Variants in KDM7A observed in about 807,000 individuals in gnomAD.
The protein encoded by KDM7A is lysine demethylase 7A, also known as lysine-specific demethylase 7A.
Under a neutral mutation model 114.8 loss-of-function variants are expected in KDM7A, and 28 were observed. The ratio of observed to expected loss-of-function variants is 0.24; its 90% confidence interval spans 0.18 to 0.33. KDM7A has a LOEUF of 0.33. KDM7A is among the 10% of genes least tolerant of loss of function. The pLI, the probability that KDM7A is intolerant of heterozygous loss-of-function variation, is 1.00. For synonymous variants in KDM7A, 423 were observed against 397.8 expected (o/e 1.06, Z -0.75); for missense variants, 942 against 1,142.5 (o/e 0.82, Z 2.53).
chr7:140,131,514 C>A (rs930026322), intron 3 of KDM7A, among the ~76,000 whole-genome samples: 2 of 152,178 alleles, frequency 1.3e-5, no homozygotes, highest in African/African-American at 4.8e-5. Flanking sequence ...CCCATCCTCT[C>A]GTAAGGCAAG....
intron 1 of KDM7A, among the ~76,000 whole-genome samples, chr7:140,142,100 A>C (rs1794290212): frequency 7.4e-6 from 1 of 134,336 alleles, no homozygotes; most frequent in Admixed American, 7.4e-5. Flanking sequence ...AAGCAAAATA[A>C]AATTATTTTG....
intron 17 of KDM7A, among the ~76,000 whole-genome samples, chr7:140,096,022 T>C (rs1818103631): frequency 6.6e-6 from 1 of 152,064 alleles, no homozygotes; most frequent in African/African-American, 2.4e-5. Context: ...TTCTCCCCGG[T>C]CCTCCTCAGG....
chr7:140,176,972 C>T lies in KDM7A; in HGVS notation c.-35G>A. On this transcript the variant is annotated 5_prime_UTR_variant, in exon 1 of 20. Coordinates refer to ENST00000397560, the MANE Select transcript of KDM7A (RefSeq NM_030647.2). This position sits in a 1 kb window ranked among gnomAD's most constrained non-coding sequence, Gnocchi z 4.4. ...ACACACACACGCTCGCTCGCTACTC[C>T]GCTCGCCGACTGGAGCGAGCGCAGC... 6.4e-6 allele frequency: 7 copies of T among 1,096,358 alleles called. No individual in the cohort carries two copies. Among genetic ancestry groups the T allele is most frequent in the Middle Eastern group, 4.0e-4 (1 of 2,520 alleles). 67.9% of individuals were successfully genotyped at this position (1,096,358 alleles called of 1,614,324 possible). A position where few individuals can be genotyped will look rare whatever the true frequency, so the allele number is the denominator to read the frequency against.
rs533403960 is a variant in KDM7A at position 140,122,696 on chromosome 7, A to G, written c.1051+1925T>C. Among the ~76,000 whole-genome samples, 8 of 152,214 alleles carry G rather than the reference A, an allele frequency of 5.3e-5. 1 individual carries two copies. The highest frequency in any genetic ancestry group is 1.9e-4 in the African/African-American group (8 of 41,542). ...TACTCTACATTCATTTACATCTCAA[A>G]ATGAGAGGCCTGATACCTATACTTG... On this transcript the variant is annotated intron_variant, in intron 7 of 19. Coordinates refer to ENST00000397560, the MANE Select transcript of KDM7A (RefSeq NM_030647.2).
chr7:140,149,759 AT>A (rs1055061797), intron 1 of KDM7A, among the ~76,000 whole-genome samples: 1 of 152,206 alleles, frequency 6.6e-6, no homozygotes, highest in African/African-American at 2.4e-5. Flanking sequence ...TGATGTGAGA[AT>A]TTGGTAAGAA....
chr7:140,156,552 A>G (rs1206372665), intron 1 of KDM7A, among the ~76,000 whole-genome samples: 1 of 152,216 alleles, frequency 6.6e-6, no homozygotes, highest in African/African-American at 2.4e-5. Context: ...TGAGACACAG[A>G]AAGGGAGGGA....
At chr7:140,135,350 G>GCACA (rs1818851439) in intron 2 of KDM7A, among the ~76,000 whole-genome samples, 1 of 151,896 alleles carries the variant, frequency 6.6e-6, no homozygotes, top group Non-Finnish European at 1.5e-5. Flanking sequence ...CTACAGGGGT[G>GCACA]TGCCACCACA....
At chr7:140,126,525 A>C in intron 6 of KDM7A, 112 bp downstream of exon 6, 1 of 593,990 alleles carries the variant, frequency 1.7e-6, no homozygotes, top group South Asian at 5.7e-5. Context: ...GTAAAAAAAA[A>C]AAAAAAAACT....
Position 140,160,128 on chromosome 7 carries a change from CCT to C in KDM7A, c.194+16614_194+16615del, listed in dbSNP as rs759016185. On this transcript the variant is annotated intron_variant, in intron 1 of 19. Coordinates refer to ENST00000397560, the MANE Select transcript of KDM7A (RefSeq NM_030647.2). Reference sequence around the variant, plus strand: ...CATCACTAACACGATTTAGCAGACACCTCTGTTTAAGGCAAGTAAATTTTTAA... The same window carrying C: ...CATCACTAACACGATTTAGCAGACACCTGTTTAAGGCAAGTAAATTTTTAA... 4.6e-5 allele frequency among the ~76,000 whole-genome samples: 7 copies of C among 152,192 alleles called. 1 individual carries two copies. The highest frequency in any genetic ancestry group is 4.1e-4 in the South Asian group (2 of 4,824).
rs775195433 is a variant in KDM7A, at chr7:140,091,182, C to T, written c.2738G>A (p.Arg913His). 4.3e-6 allele frequency: 7 copies of T among 1,611,038 alleles called. No homozygotes were observed. The Admixed American group carries it at 6.7e-5, about 15-fold the overall frequency. Reference protein sequence around the residue: ...PISNQATKGKRPKKGMATAKQ... With the variant: ...PISNQATKGKHPKKGMATAKQ... ...GGCTGTTGCCATTCCTTTTTTTGGA[C>T]GTTTACCTATAAAACACCAAAAGGG... Residue 913 changes from arginine to histidine, a missense_variant, in exon 20 of 20, where the codon CGT (arginine) becomes CAT (histidine). Physicochemically the swap from Arg to His is conservative, Grantham distance 29 (BLOSUM62 0). Coordinates refer to ENST00000397560, the MANE Select transcript of KDM7A (RefSeq NM_030647.2).
At chr7:140,161,962 A>G (rs1174012008) in intron 1 of KDM7A, among the ~76,000 whole-genome samples, 2 of 152,220 alleles carry the variant, frequency 1.3e-5, no homozygotes, top group Admixed American at 6.5e-5. Context: ...CATTAAAAAT[A>G]CCAAATTATC....
At chr7:140,114,406 G>A (rs1194025891) in intron 9 of KDM7A, among the ~76,000 whole-genome samples, 1 of 152,186 alleles carries the variant, frequency 6.6e-6, no homozygotes, top group African/African-American at 2.4e-5. Flanking sequence ...CTAACCGCGA[G>A]TGATCTGCCA....
chr7:140,143,016 C>A (rs1794301881), intron 1 of KDM7A, among the ~76,000 whole-genome samples: 1 of 151,794 alleles, frequency 6.6e-6, no homozygotes, highest in South Asian at 2.1e-4. Context: ...CCCATCTCTA[C>A]TAAAAATACA....
At chr7:140,164,230 T>C (rs1028348966) in intron 1 of KDM7A, among the ~76,000 whole-genome samples, 1 of 152,184 alleles carries the variant, frequency 6.6e-6, no homozygotes, top group African/African-American at 2.4e-5. Context: ...ATTTTTAGGA[T>C]AAACAACCAC....
Position 140,127,434 on chromosome 7 carries a change from C to G in KDM7A, c.701+8G>C, listed in dbSNP as rs868517092. 1.2e-5 allele frequency: 19 copies of G among 1,610,808 alleles called. No individual in the cohort carries two copies. The Middle Eastern group carries it at 1.5e-3, about 126-fold the overall frequency. ...GAATGCTAAACCAAAATACCCAGAA[C>G]TACTCACTTTGTATCTGAAAATTCA... On this transcript the variant is annotated splice_region_variant and intron_variant, in intron 5 of 19. Coordinates refer to ENST00000397560, the MANE Select transcript of KDM7A (RefSeq NM_030647.2).
At chr7:140,109,048 G>A (rs529195096) in intron 11 of KDM7A, among the ~76,000 whole-genome samples, 4 of 152,284 alleles carry the variant, frequency 2.6e-5, no homozygotes, top group South Asian at 2.1e-4. Flanking sequence ...CCAAGGCTCC[G>A]TGGGTGTGGG....
intron 3 of KDM7A, among the ~76,000 whole-genome samples, chr7:140,130,871 T>TG (rs1818773936): frequency 1.4e-5 from 2 of 147,204 alleles, no homozygotes; most frequent in Admixed American, 6.7e-5. Flanking sequence ...TTTTTTTTTT[T>TG]GAGACAGAGT....
chr7:140,097,091 A>G (rs967168979), intron 15 of KDM7A, 44 bp from the exon 16 acceptor site: 6 of 1,491,648 alleles, frequency 4.0e-6, no homozygotes, highest in Non-Finnish European at 5.5e-6. Context: ...TAAGAAATTG[A>G]CCAAGTCTGT....
rs1264035618 is a variant in KDM7A at position 140,100,675 on chromosome 7, T to TAC, written c.1639-653_1639-652insGT. On this transcript the variant is annotated intron_variant, in intron 12 of 19. Transcript: ENST00000397560. The stretch of plus-strand genomic sequence containing the variant: ...TTTTAAAAAGTTATATATATATATA[T>TAC]ATATACATATATACATATATATATA... Among the ~76,000 whole-genome samples, 83 of 44,242 alleles carry TAC rather than the reference T, an allele frequency of 1.9e-3. 1 individual carries two copies. Among genetic ancestry groups the TAC allele is most frequent in the Non-Finnish European group, 2.7e-3 (61 of 22,986 alleles). 29.0% of individuals were successfully genotyped at this position (44,242 alleles called of 152,430 possible).
Sources: allele counts gnomAD v4.1 joint callset (sites outside exome capture counted in the v4.1 genomes callset), GRCh38; gene constraint gnomAD v4.1.1; non-coding constraint Gnocchi (gnomAD v3.1); transcripts MANE v1.5; gene names NCBI Gene and HGNC (gene_info 2026-07-23, HGNC 2026-07-21).